Variants in GABRB1 observed in about 807,000 individuals in gnomAD.
GABRB1 encodes gamma-aminobutyric acid type A receptor subunit beta1.
In GABRB1, 17 loss-of-function variants were observed where a neutral mutation model predicts 51.6. The ratio of observed to expected loss-of-function variants is 0.33; its 90% CI spans 0.23 to 0.49. The LOEUF is 0.49. GABRB1 is among the 20% of genes least tolerant of loss of function. The probability of loss-of-function intolerance (pLI) is 0.99; values close to 1 mark genes in which losing one functional copy is unlikely to be tolerated. For missense variants in GABRB1, 410 were observed against 600.6 expected (o/e 0.68, Z 3.32); for synonymous variants, 247 against 218.9 (o/e 1.13, Z -1.14).
chr4:47,241,433 T>G (rs1012187858), intron 4 of GABRB1, among the ~76,000 whole-genome samples: 1 of 152,170 alleles, frequency 6.6e-6, no homozygotes. Flanking sequence ...ACAAATGTGC[T>G]TTTCCCACTG....
intron 4 of GABRB1, among the ~76,000 whole-genome samples, chr4:47,230,196 T>C (rs1578018330): frequency 6.6e-6 from 1 of 152,122 alleles, no homozygotes; most frequent in East Asian, 1.9e-4. Context: ...GGAAGAGTAT[T>C]GCTAAGGAAT....
intron 5 of GABRB1, among the ~76,000 whole-genome samples, chr4:47,338,571 A>G (rs1227241914): frequency 1.3e-5 from 2 of 152,232 alleles, no homozygotes; most frequent in Non-Finnish European, 2.9e-5. Flanking sequence ...TCACTTGAAA[A>G]GACTCTGAAG....
intron 4 of GABRB1, among the ~76,000 whole-genome samples, chr4:47,237,787 C>T (rs1452974083): frequency 1.3e-5 from 2 of 151,864 alleles, no homozygotes; most frequent in Admixed American, 6.6e-5. Context: ...TTACAAAATG[C>T]TTTACTATCA....
rs75292692 is a variant in GABRB1 at position 47,201,943 on chromosome 4, G to A, written c.461+40474G>A. Reference sequence around the variant, plus strand: ...ACTCTTGTAGCCTTCAGGAATGGACGTGGATCCCCCAACCCCAGCCAAGTA... The same window carrying A: ...ACTCTTGTAGCCTTCAGGAATGGACATGGATCCCCCAACCCCAGCCAAGTA... On this transcript the variant is annotated intron_variant, in intron 4 of 8. Coordinates refer to ENST00000295454, the MANE Select transcript of GABRB1 (RefSeq NM_000812.4). Among the ~76,000 whole-genome samples the A allele has an allele frequency of 4.1e-3, 623 of 152,166 alleles. 2 individuals carry two copies. The highest frequency in any genetic ancestry group is 0.014 in the African/African-American group (586 of 41,534).
intron 7 of GABRB1, among the ~76,000 whole-genome samples, chr4:47,404,495 A>G (rs1456109957): frequency 1.6e-5 from 1 of 60,650 alleles, no homozygotes; most frequent in African/African-American, 1.2e-4. Flanking sequence ...GCATGCACAC[A>G]CACACACACA....
intron 4 of GABRB1, among the ~76,000 whole-genome samples, chr4:47,225,953 C>A (rs1243905599): frequency 2.0e-5 from 3 of 152,112 alleles, no homozygotes; most frequent in South Asian, 2.1e-4. Flanking sequence ...TTCAACCCCC[C>A]ACCAGTGTAC....
intron 3 of GABRB1, among the ~76,000 whole-genome samples, chr4:47,123,826 T>C (rs111216545): frequency 3.3e-5 from 3 of 90,912 alleles, no homozygotes; most frequent in African/African-American, 1.4e-4. Flanking sequence ...TATTATATTA[T>C]ATTATATATT....
At chr4:47,271,661 T>C (rs940642167) in intron 4 of GABRB1, among the ~76,000 whole-genome samples, 1 of 152,202 alleles carries the variant, frequency 6.6e-6, no homozygotes, top group Admixed American at 6.6e-5. Context: ...GTTTACCCTA[T>C]ACACAATTTT....
chr4:47,401,466 C>G (rs991844417), intron 5 of GABRB1, among the ~76,000 whole-genome samples: 3 of 152,140 alleles, frequency 2.0e-5, no homozygotes, highest in African/African-American at 7.2e-5. Context: ...GCCCCTTCAC[C>G]CAGCTATCTT....
At chr4:47,262,856 T>C (rs1455018580) in intron 4 of GABRB1, among the ~76,000 whole-genome samples, 1 of 151,992 alleles carries the variant, frequency 6.6e-6, no homozygotes, top group African/African-American at 2.4e-5. Context: ...TGGAATACTA[T>C]GCAGCCATAA....
chr4:47,122,032 C>A (rs1412233973), intron 3 of GABRB1, among the ~76,000 whole-genome samples: 1 of 149,674 alleles, frequency 6.7e-6, no homozygotes, highest in Non-Finnish European at 1.5e-5. Context: ...TCCATGATAT[C>A]TATATCCTTA....
At chr4:47,415,044 C>T (rs533591430) in intron 8 of GABRB1, among the ~76,000 whole-genome samples, 2 of 152,198 alleles carry the variant, frequency 1.3e-5, no homozygotes, top group East Asian at 3.8e-4. Flanking sequence ...TGGCTTCGTT[C>T]GCTTTTTGTT....
At chr4:47,011,610 C>G (rs1327019635) in intron 1 of GABRB1, among the ~76,000 whole-genome samples, 1 of 152,128 alleles carries the variant, frequency 6.6e-6, no homozygotes, top group African/African-American at 2.4e-5. Context: ...ATGTTCCAGT[C>G]ATGGTGGTGG....
intron 4 of GABRB1, among the ~76,000 whole-genome samples, chr4:47,238,346 G>A (rs1350603774): frequency 1.3e-5 from 2 of 151,982 alleles, no homozygotes; most frequent in Non-Finnish European, 2.9e-5. Context: ...TACACAAATG[G>A]AGGAACACAA....
intron 3 of GABRB1, among the ~76,000 whole-genome samples, chr4:47,152,296 C>T (rs1717494953): frequency 6.6e-6 from 1 of 152,044 alleles, no homozygotes; most frequent in Admixed American, 6.6e-5. Flanking sequence ...ACTTAATTCA[C>T]ATTCAACTGA....
At chr4:47,279,105 TGGATGG>T (rs1218703821) in intron 4 of GABRB1, among the ~76,000 whole-genome samples, 2 of 151,718 alleles carry the variant, frequency 1.3e-5, no homozygotes, top group Non-Finnish European at 2.9e-5. Context: ...GATGGATGGA[TGGATGG>T]ATGGATGGAT....
chr4:47,402,410 A>T (rs1728425681), intron 5 of GABRB1, among the ~76,000 whole-genome samples: 1 of 152,218 alleles, frequency 6.6e-6, no homozygotes, highest in South Asian at 2.1e-4. Flanking sequence ...TGAATTTAGA[A>T]AGAGCTTCTT....
upstream of GABRB1, among the ~76,000 whole-genome samples, chr4:47,028,974 C>T (rs1301439086): frequency 6.6e-6 from 1 of 151,116 alleles, no homozygotes; most frequent in African/African-American, 2.4e-5. Flanking sequence ...TCATTCTGCA[C>T]CTTGCTCTTG....
intron 4 of GABRB1, among the ~76,000 whole-genome samples, chr4:47,294,151 C>T (rs999364955): frequency 6.6e-6 from 1 of 152,086 alleles, no homozygotes; most frequent in East Asian, 1.9e-4. Context: ...AGGAACAGCT[C>T]CGTTCTACAG....
Sources: allele counts gnomAD v4.1 joint callset (sites outside exome capture counted in the v4.1 genomes callset), GRCh38; gene constraint gnomAD v4.1.1; transcripts MANE v1.5; gene names NCBI Gene and HGNC (gene_info 2026-07-23, HGNC 2026-07-21).